Variants in CSTB observed in about 807,000 individuals in gnomAD.
The protein encoded by CSTB is cystatin-B.
A neutral mutation model predicts 7.6 loss-of-function variants in CSTB; 8 were observed. That is an observed-to-expected ratio of 1.05 (90% confidence interval 0.62 to 1.89). CSTB has a LOEUF of 1.89. CSTB is among the 40% of genes most tolerant of loss of function. CSTB has a pLI of 0.00. For synonymous variants in CSTB, 56 were observed against 55.3 expected (o/e 1.01, Z -0.06); for missense variants, 124 against 126.4 (o/e 0.98, Z 0.09).
At chr21:43,775,353 A>G (rs1409655816) in intron 1 of CSTB, 1 of 163,320 alleles carries the variant, frequency 6.1e-6, no homozygotes, top group Non-Finnish European at 1.4e-5. Context: ...TCTTGCACAG[A>G]TGACCTGCTC....
chr21:43,775,296 A>G (rs2123386803), intron 1 of CSTB: 1 of 201,720 alleles, frequency 5.0e-6, no homozygotes, highest in African/African-American at 2.3e-5. Flanking sequence ...TCGGTCACCA[A>G]CCATGACAGC....
chr21:43,776,053 C>A, intron 1 of CSTB, 151 bp downstream of exon 1: 1 of 630,074 alleles, frequency 1.6e-6, no homozygotes, highest in Non-Finnish European at 2.5e-6. Context: ...GCGCAGCGCC[C>A]GAGCGGAGGG....
chr21:43,775,313 G>A lies in CSTB; in HGVS notation c.67-554C>T, dbSNP rs551930734. The A allele has an allele frequency of 1.8e-4, 34 of 192,632 alleles. No individual in the cohort carries two copies. The East Asian group carries it at 4.4e-3, about 25-fold the overall frequency. The allele number at this position is 192,632 out of a possible 1,614,324, so 11.9% of individuals were successfully genotyped here. A position where few individuals can be genotyped will look rare whatever the true frequency, so the allele number is the denominator to read the frequency against. ...GGTCACCAACCATGACAGCGAGGCG[G>A]GCCTGGCCTGTGCTCCACCGGAGGG... On this transcript the variant is annotated intron_variant, in intron 1 of 2. Coordinates refer to ENST00000291568, the MANE Select transcript of CSTB (RefSeq NM_000100.4).
rs774504790 is a variant in CSTB at position 43,774,715 on chromosome 21, C to T, written c.111G>A (p.Val37=). Residue 37 remains valine (V), a synonymous_variant, in exon 2 of 3, where the codon GTG becomes GTA. Transcript: ENST00000291568. ...GGCTCTTGAATGACACGGCCTTAAACACAGGGAACTTCTTGTTTTCTTTCT... is the reference window on the plus strand; with the variant it reads ...GGCTCTTGAATGACACGGCCTTAAATACAGGGAACTTCTTGTTTTCTTTCT... ...LEEKENKKFP[V]FKAVSFKSQV... 1.9e-6 allele frequency: 3 copies of T among 1,614,202 alleles called. No homozygotes were observed. The highest frequency in any genetic ancestry group is 2.5e-6 in the Non-Finnish European group (3 of 1,180,016).
intron 1 of CSTB, 116 bp from the exon 2 acceptor site, chr21:43,774,875 T>C: frequency 7.6e-6 from 6 of 784,740 alleles, no homozygotes; most frequent in Non-Finnish European, 1.4e-5. Context: ...CTTCACACAA[T>C]TGTCTCTTAC....
Position 43,774,279 on chromosome 21 carries a change from GGA to G in CSTB, c.218_219del (p.Leu73ProfsTer3), listed in dbSNP as rs796943858. 2.2e-4 allele frequency: 361 copies of G among 1,614,088 alleles called. No homozygotes were observed. Among genetic ancestry groups the G allele is most frequent in the Non-Finnish European group, 2.9e-4 (347 of 1,180,052 alleles). On this transcript the variant is annotated frameshift_variant, in exon 3 of 3. Coordinates refer to ENST00000291568, the MANE Select transcript of CSTB (RefSeq NM_000100.4). LOFTEE classifies it low-confidence loss of function (END_TRUNC). ...DFVHLRVFQS[L>X]PHENKPLTLS... ...AAGGTCAAGGGCTTGTTTTCATGAG[GGA>G]GAGATTGGAACACTCGCAGGTGTAC... is the stretch of plus-strand genomic sequence containing the variant.
chr21:43,774,680 GC>G lies in CSTB; in HGVS notation c.145del (p.Ala49ArgfsTer32). On this transcript the variant is annotated frameshift_variant, in exon 2 of 3. Transcript: ENST00000291568. LOFTEE classifies it low-confidence loss of function (END_TRUNC). The part of the protein sequence containing the change: ...KAVSFKSQVV[A>X]GTNYFIKVHV... ...TACCTTGATGAAGTAGTTTGTCCCCGCGACCACCTGGCTCTTGAATGACACG... is the reference window on the plus strand; with the variant it reads ...TACCTTGATGAAGTAGTTTGTCCCCGGACCACCTGGCTCTTGAATGACACG... 1.9e-6 allele frequency: 3 copies of G among 1,614,052 alleles called. No homozygotes were observed. The highest frequency in any genetic ancestry group is 2.5e-6 in the Non-Finnish European group (3 of 1,179,936).
chr21:43,775,734 C>T (rs1252079508), intron 1 of CSTB: 1 of 156,090 alleles, frequency 6.4e-6, no homozygotes, highest in Non-Finnish European at 1.4e-5. Flanking sequence ...TGCGCACTTC[C>T]TTGTAAAATC....
chr21:43,775,096 ACCTGCAATC>A (rs2084003836), intron 1 of CSTB: 1 of 365,628 alleles, frequency 2.7e-6, no homozygotes, highest in Non-Finnish European at 5.3e-6. Flanking sequence ...GGTGGCGAGC[ACCTGCAATC>A]CCAGCTACTC....
chr21:43,774,899 T>C, intron 1 of CSTB, 140 bp from the exon 2 acceptor site: 1 of 728,764 alleles, frequency 1.4e-6, no homozygotes. Context: ...TGAAGGGACA[T>C]TTAAACTGTC....
chr21:43,774,297 G>C lies in CSTB; in HGVS notation c.202C>G (p.Arg68Gly). 2.5e-6 allele frequency: 4 copies of C among 1,614,206 alleles called. No homozygotes were observed. The highest frequency in any genetic ancestry group is 1.3e-5 in the African/African-American group (1 of 75,068). Reference protein sequence around the residue: ...HVGDEDFVHLRVFQSLPHENK... With the variant: ...HVGDEDFVHLGVFQSLPHENK... ...TCATGAGGGAGAGATTGGAACACTCGCAGGTGTACGAAGTCCTCGTCGCCG... is the reference window on the plus strand; with the variant it reads ...TCATGAGGGAGAGATTGGAACACTCCCAGGTGTACGAAGTCCTCGTCGCCG... The change falls in exon 3 of 3, where the codon CGA becomes GGA. Residue 68 changes from arginine (R) to glycine (G), a missense_variant. By Grantham distance (125) the Arg-to-Gly change is moderately radical. Coordinates refer to ENST00000291568, the MANE Select transcript of CSTB (RefSeq NM_000100.4).
chr21:43,774,820 GTAAC>G, intron 1 of CSTB, 61 bp from the exon 2 acceptor site: 2 of 1,247,604 alleles, frequency 1.6e-6, no homozygotes, highest in Non-Finnish European at 2.4e-6. Context: ...TCCTGCTAGA[GTAAC>G]TTGCACGCAT....
At chr21:43,776,063 G>A (rs1368944643) in intron 1 of CSTB, 141 bp downstream of exon 1, 4 of 687,212 alleles carry the variant, frequency 5.8e-6, no homozygotes, top group Non-Finnish European at 4.5e-6. Flanking sequence ...CGAGCGGAGG[G>A]AGGCCTCTCA....
Position 43,773,988 on chromosome 21 carries a change from G to T in CSTB, c.*214C>A. 1 of 614,388 alleles carries T rather than the reference G, an allele frequency of 1.6e-6. No individual in the cohort carries two copies. The highest frequency in any genetic ancestry group is 1.9e-5 in the South Asian group (1 of 51,448). The allele number at this position is 614,388 out of a possible 1,614,324, so 38.1% of individuals were successfully genotyped here. On this transcript the variant is annotated 3_prime_UTR_variant, in exon 3 of 3. Coordinates refer to ENST00000291568, the MANE Select transcript of CSTB (RefSeq NM_000100.4). ...AATATATCTATTTTGAAAATATTCT[G>T]AAAGTAATTAAGATCACCTATTGGG...
At chr21:43,775,601 GCCTTATCACTGGGGA>G (rs1238690234) in intron 1 of CSTB, 1 of 152,406 alleles carries the variant, frequency 6.6e-6, no homozygotes, top group Non-Finnish European at 1.5e-5. Flanking sequence ...TAACCCATGT[GCCTTATCACTGGGGA>G]CCTCTTGCAC....
chr21:43,774,319 G>C lies in CSTB; in HGVS notation c.180C>G (p.Gly60=). 6.2e-7 allele frequency: 1 copy of C among 1,614,170 alleles called. No individual in the cohort carries two copies. The highest frequency in any genetic ancestry group is 1.1e-5 in the South Asian group (1 of 91,088). ...GTNYFIKVHV[G]DEDFVHLRVF... ...CTCGCAGGTGTACGAAGTCCTCGTC[G>C]CCGACGTGCACCTGGGAAGAGAGCG... The change falls in exon 3 of 3, where the codon GGC becomes GGG. Residue 60 remains glycine (G), a synonymous_variant. Coordinates refer to ENST00000291568, the MANE Select transcript of CSTB (RefSeq NM_000100.4).
intron 2 of CSTB, 155 bp downstream of exon 2, chr21:43,774,500 GTCC>G: frequency 8.2e-7 from 1 of 1,217,044 alleles, no homozygotes; most frequent in Non-Finnish European, 1.2e-6. Context: ...AGAAGCCCTA[GTCC>G]TCCTGAAAGG....
rs541671661 is a variant in CSTB, at chr21:43,774,671, T to A, written c.155A>T (p.Asn52Ile). 3 of 1,613,812 alleles carry A rather than the reference T, an allele frequency of 1.9e-6. No homozygotes were observed. In the African/African-American group the frequency reaches 4.0e-5, roughly 22 times the overall value. Residue 52 changes from asparagine (N) to isoleucine (I), a missense_variant, in exon 2 of 3, where the codon AAC (asparagine) becomes ATC (isoleucine). Coordinates refer to ENST00000291568, the MANE Select transcript of CSTB (RefSeq NM_000100.4). ...SFKSQVVAGTNYFIKVHVGDE... is the reference protein window; with the variant it reads ...SFKSQVVAGTIYFIKVHVGDE... ...CCCACACTCTACCTTGATGAAGTAG[T>A]TTGTCCCCGCGACCACCTGGCTCTT...
Position 43,774,470 on chromosome 21 carries a change from C to T in CSTB, c.169-140G>A, listed in dbSNP as rs1426117154. On this transcript the variant is annotated intron_variant, in intron 2 of 2. Transcript: ENST00000291568. ...ATGCCTCACATCCCACACTTGTTTC[C>T]TTGGGGTTCTTAGCTCCCCAGAAGC... 4 of 1,384,946 alleles carry T rather than the reference C, an allele frequency of 2.9e-6. No individual in the cohort carries two copies. The African/African-American group carries it at 5.7e-5, about 20-fold the overall frequency. 85.8% of individuals were successfully genotyped at this position (1,384,946 alleles called of 1,614,324 possible).
Sources: gnomAD v4.1 joint callset for allele counts on GRCh38, gnomAD v4.1.1 for gene constraint, MANE v1.5 for transcripts, NCBI Gene and HGNC (gene_info 2026-07-23, HGNC 2026-07-21) for gene names.